SLC6A3: variants seen among roughly 807,000 people sequenced by gnomAD.
SLC6A3 encodes solute carrier family 6 member 3.
Under a neutral mutation model 70.4 loss-of-function variants are expected in SLC6A3, and 19 were observed. The observed-to-expected ratio is 0.27, with a 90% CI of 0.19 to 0.40. SLC6A3 has a LOEUF of 0.40. Among genes scored for constraint, SLC6A3 ranks in the 10% least tolerant of loss-of-function variants. The pLI is 1.00. For missense variants in SLC6A3, 613 were observed against 838.5 expected, an observed-to-expected ratio of 0.73 and a Z score of 3.32; for synonymous variants, 368 against 356.6, an observed-to-expected ratio of 1.03 and a Z score of -0.36.
chr5:1,411,780 T>C lies in SLC6A3; in HGVS notation c.1157-425A>G, dbSNP rs575178356. On this transcript the variant is annotated intron_variant, in intron 8 of 14. Transcript: ENST00000270349. The surrounding 1 kb of genome is among the most constrained non-coding windows in gnomAD (Gnocchi z 6.5). ...CATACACACTCAGACACACATACCA[T>C]GCAACATACACACTCAGACACACAT... Among the ~76,000 whole-genome samples the C allele has an allele frequency of 6.6e-6, 1 of 151,396 alleles. No homozygotes were observed. The highest frequency in any genetic ancestry group is 1.5e-5 in the Non-Finnish European group (1 of 67,880).
intron 6 of SLC6A3, among the ~76,000 whole-genome samples, chr5:1,418,928 T>C (rs1756371629): frequency 6.9e-6 from 1 of 145,366 alleles, no homozygotes; most frequent in African/African-American, 2.6e-5. Flanking sequence ...CCATCCATCA[T>C]CCATTCATCA....
intron 9 of SLC6A3, among the ~76,000 whole-genome samples, 192 bp from the exon 10 acceptor site, chr5:1,410,041 C>T (rs770763358): frequency 6.6e-6 from 1 of 152,196 alleles, no homozygotes; most frequent in Non-Finnish European, 1.5e-5. Context: ...GCGGCACGAC[C>T]GCAGGAGAGA....
Position 1,401,532 on chromosome 5 carries a change from T to G in SLC6A3, c.1768-546A>C, listed in dbSNP as rs147508664. Among the ~76,000 whole-genome samples, 32 of 152,214 alleles carry G rather than the reference T, an allele frequency of 2.1e-4. No individual in the cohort carries two copies. Among genetic ancestry groups the G allele is most frequent in the African/African-American group, 7.2e-4 (30 of 41,552 alleles). Reference sequence around the variant, plus strand: ...CAGAGCAGGCAGCATCTTCAGGAGCTCACCCTCTCGGGCCTGGATGCCTGT... The same window carrying G: ...CAGAGCAGGCAGCATCTTCAGGAGCGCACCCTCTCGGGCCTGGATGCCTGT... On this transcript the variant is annotated intron_variant, in intron 13 of 14. Coordinates refer to ENST00000270349, the MANE Select transcript of SLC6A3 (RefSeq NM_001044.5). This position sits in a 1 kb window ranked among gnomAD's most constrained non-coding sequence, Gnocchi z 6.1.
rs1225005572 is a variant in SLC6A3, at chr5:1,437,337, T to C, written c.418+4022A>G. On this transcript the variant is annotated intron_variant, in intron 3 of 14. Coordinates refer to ENST00000270349, the MANE Select transcript of SLC6A3 (RefSeq NM_001044.5). This position sits in a 1 kb window ranked among gnomAD's most constrained non-coding sequence, Gnocchi z 4.8. ...AGTCTGGGTGTCTTTAGTATGTGCTTGCTGTGTGTGCATGTACCCGAGAGA... is the reference window on the plus strand; with the variant it reads ...AGTCTGGGTGTCTTTAGTATGTGCTCGCTGTGTGTGCATGTACCCGAGAGA... Among the ~76,000 whole-genome samples, 3 of 151,094 alleles carry C rather than the reference T, an allele frequency of 2.0e-5. No homozygotes were observed. Among genetic ancestry groups the C allele is most frequent in the Non-Finnish European group, 4.4e-5 (3 of 67,868 alleles).
chr5:1,422,978 G>A (rs1369021931), intron 4 of SLC6A3, among the ~76,000 whole-genome samples: 1 of 72,734 alleles, frequency 1.4e-5, no homozygotes. Flanking sequence ...CCACAGTGCT[G>A]CCCACGCTGC....
chr5:1,407,088 A>C (rs1756000829), intron 11 of SLC6A3, among the ~76,000 whole-genome samples: 1 of 152,240 alleles, frequency 6.6e-6, no homozygotes, highest in Non-Finnish European at 1.5e-5. Context: ...AAGTACCAGC[A>C]GTCCACTTTA....
intron 4 of SLC6A3, among the ~76,000 whole-genome samples, chr5:1,430,134 C>A (rs1018873285): frequency 1.3e-5 from 2 of 152,096 alleles, no homozygotes; most frequent in African/African-American, 2.4e-5. Context: ...CTCCCGCCTG[C>A]CCCACCTTCT....
At chr5:1,395,237 G>A (rs1008638506) in intron 14 of SLC6A3, among the ~76,000 whole-genome samples, 8 of 152,172 alleles carry the variant, frequency 5.3e-5, no homozygotes, top group East Asian at 1.9e-4. Flanking sequence ...TCTGCGACCC[G>A]CGCGGGCGCA....
rs113262982 is a variant in SLC6A3, at chr5:1,437,251, CA to C, written c.418+4107del. ...GGTGACAGAGCGAGATTCCGTCTCA[CA>C]AAAAAAAAAAAAAAGAAAAGAAAAG... On this transcript the variant is annotated intron_variant, in intron 3 of 14. Transcript: ENST00000270349. The surrounding 1 kb of genome is among the most constrained non-coding windows in gnomAD (Gnocchi z 4.8). Among the ~76,000 whole-genome samples the C allele has an allele frequency of 0.42, 48,974 of 116,666 alleles. 8,632 individuals carry two copies. The highest frequency in any genetic ancestry group is 0.45 in the Non-Finnish European group (25,771 of 56,872). The allele number at this position is 116,666 out of a possible 152,430, so 76.5% of individuals were successfully genotyped here.
intron 1 of SLC6A3, among the ~76,000 whole-genome samples, chr5:1,443,842 TTGTG>T (rs1300078146): frequency 6.6e-6 from 1 of 150,536 alleles, no homozygotes; most frequent in Non-Finnish European, 1.5e-5. Flanking sequence ...TAAGTTATTT[TTGTG>T]TGTGTTTTTT....
rs144980910 is a variant in SLC6A3 at position 1,407,939 on chromosome 5, G to A, written c.1498+1087C>T. Among the ~76,000 whole-genome samples, 666 of 152,208 alleles carry A rather than the reference G, an allele frequency of 4.4e-3. 4 individuals carry two copies. The highest frequency in any genetic ancestry group is 0.013 in the African/African-American group (545 of 41,510). On this transcript the variant is annotated intron_variant, in intron 11 of 14. Coordinates refer to ENST00000270349, the MANE Select transcript of SLC6A3 (RefSeq NM_001044.5). ...CCCCTTGTTTGCAGGTGAGCTGGGC[G>A]TCCTCCAAAACCGGGGCTCACGCAG... is the stretch of plus-strand genomic sequence containing the variant.
intron 3 of SLC6A3, among the ~76,000 whole-genome samples, chr5:1,433,768 G>GCCATCCACAACCATCCATCCATCCACAA (rs1756764277): frequency 1.3e-5 from 2 of 150,350 alleles, no homozygotes; most frequent in Non-Finnish European, 1.5e-5. Context: ...TCCATCCACG[G>GCCATCCACAACCATCCATCCATCCACAA]CCATCCACAA....
chr5:1,395,168 C>T (rs922602537), intron 14 of SLC6A3, among the ~76,000 whole-genome samples: 1 of 152,156 alleles, frequency 6.6e-6, no homozygotes, highest in African/African-American at 2.4e-5. Context: ...CTCCACCTTC[C>T]TGGGGGCCTC....
intron 6 of SLC6A3, 130 bp from the exon 7 acceptor site, chr5:1,416,331 T>C: frequency 1.4e-6 from 1 of 718,314 alleles, no homozygotes; most frequent in Non-Finnish European, 2.5e-6. Context: ...AAGAAGTAAA[T>C]GGCAGCAGAC....
intron 1 of SLC6A3, among the ~76,000 whole-genome samples, chr5:1,443,548 C>T (rs1011547407): frequency 6.6e-6 from 1 of 152,236 alleles, no homozygotes; most frequent in Non-Finnish European, 1.5e-5. Flanking sequence ...TGAGCTCTAG[C>T]GTGGCTTTCT....
chr5:1,432,801 G>A (rs1756736946), intron 3 of SLC6A3, 103 bp from the exon 4 acceptor site: 1 of 805,358 alleles, frequency 1.2e-6, no homozygotes. Flanking sequence ...ATTACCCTGA[G>A]CCCACAACTC....
rs149240701 is a variant in SLC6A3, at chr5:1,438,167, G to A, written c.418+3192C>T. ...TGATTCATCTATCCCTTCGTGGGTCGAACAGTTCACTTTCTGTGATTTGCA... is the reference window on the plus strand; with the variant it reads ...TGATTCATCTATCCCTTCGTGGGTCAAACAGTTCACTTTCTGTGATTTGCA... On this transcript the variant is annotated intron_variant, in intron 3 of 14. Transcript: ENST00000270349. The surrounding 1 kb of genome is among the most constrained non-coding windows in gnomAD (Gnocchi z 6.5). 1.6e-4 allele frequency among the ~76,000 whole-genome samples: 24 copies of A among 152,320 alleles called. No homozygotes were observed. The highest frequency in any genetic ancestry group is 7.7e-4 in the East Asian group (4 of 5,180).
At chr5:1,407,722 A>G (rs903631590) in intron 11 of SLC6A3, among the ~76,000 whole-genome samples, 1 of 152,248 alleles carries the variant, frequency 6.6e-6, no homozygotes, top group Non-Finnish European at 1.5e-5. Context: ...TGTTCAGGGA[A>G]GATGACAATG....
In SLC6A3 at chr5:1,416,884, C is replaced by T. The variant is rs555877244; in HGVS notation, c.928-683G>A. Among the ~76,000 whole-genome samples, 65 of 152,326 alleles carry T rather than the reference C, an allele frequency of 4.3e-4. 2 individuals carry two copies. In the South Asian group the frequency reaches 0.013, roughly 31 times the overall value. ...TGACATGACCGCAGCGTCCTAACAA[C>T]CCTCGGAACAGCACAGATTCATCCA... On this transcript the variant is annotated intron_variant, in intron 6 of 14. Coordinates refer to ENST00000270349, the MANE Select transcript of SLC6A3 (RefSeq NM_001044.5).
Sources: gnomAD v4.1 joint callset for allele counts (sites outside exome capture counted in the v4.1 genomes callset) on GRCh38, gnomAD v4.1.1 for gene constraint, Gnocchi (gnomAD v3.1) non-coding constraint, MANE v1.5 for transcripts, NCBI Gene and HGNC (gene_info 2026-07-23, HGNC 2026-07-21) for gene names.